The following GRM7 variants were observed in gnomAD, a reference collection of about 807,000 sequenced individuals.
GRM7 encodes glutamate metabotropic receptor 7, also known as metabotropic glutamate receptor 7.
GRM7 carries 35 observed loss-of-function variants against 84.5 expected under a neutral mutation model. That is an observed-to-expected ratio of 0.41 (90% confidence interval 0.32 to 0.55). The LOEUF (loss-of-function observed/expected upper bound fraction) is 0.55. GRM7 is among the 20% of genes least tolerant of loss of function. The pLI is 0.19. For synonymous variants in GRM7, 487 were observed against 455.1 expected, an observed-to-expected ratio of 1.07 and a Z score of -0.89; for missense variants, 1,003 against 1,194.6, an observed-to-expected ratio of 0.84 and a Z score of 2.36.
chr3:7,277,260 T>C (rs1287768718), intron 2 of GRM7, among the ~76,000 whole-genome samples: 1 of 152,054 alleles, frequency 6.6e-6, no homozygotes, highest in African/African-American at 2.4e-5. Flanking sequence ...AAAAAACCTT[T>C]GAAGAAAATG....
rs199844028 is a variant in GRM7, at chr3:7,720,650, A to G, written c.2699-19707A>G. ...GCTTCCTGCAACAACTTGAACATTC[A>G]TGGAAGCTGGGGAGATAGAATTTCA... On this transcript the variant is annotated intron_variant, in intron 9 of 9. Coordinates refer to ENST00000357716, the MANE Select transcript of GRM7 (RefSeq NM_000844.4). 1.7e-4 allele frequency among the ~76,000 whole-genome samples: 26 copies of G among 152,348 alleles called. No homozygotes were observed. The East Asian group carries it at 4.8e-3, about 28-fold the overall frequency.
At chr3:7,528,608 C>T (rs145511133) in intron 7 of GRM7, among the ~76,000 whole-genome samples, 12 of 152,036 alleles carry the variant, frequency 7.9e-5, no homozygotes, top group African/African-American at 2.9e-4. Context: ...AGATGCAAGG[C>T]TAAATTGTCA....
intron 2 of GRM7, among the ~76,000 whole-genome samples, chr3:7,222,401 T>C (rs761436753): frequency 1.3e-4 from 20 of 151,948 alleles, no homozygotes; most frequent in Non-Finnish European, 1.8e-4. Flanking sequence ...GAGGGTTCCA[T>C]GTACCAAGGA....
At chr3:7,021,791 T>C (rs1174650989) in intron 1 of GRM7, among the ~76,000 whole-genome samples, 1 of 152,226 alleles carries the variant, frequency 6.6e-6, no homozygotes, top group African/African-American at 2.4e-5. Context: ...TTATCTGACA[T>C]TTTCTGAATG....
chr3:7,107,927 A>T (rs1379170390), intron 1 of GRM7, among the ~76,000 whole-genome samples: 1 of 152,078 alleles, frequency 6.6e-6, no homozygotes. Flanking sequence ...ACGAGAAAAG[A>T]GACAGGCAGA....
At chr3:7,196,565 G>A (rs1695885867) in intron 2 of GRM7, among the ~76,000 whole-genome samples, 1 of 152,080 alleles carries the variant, frequency 6.6e-6, no homozygotes, top group Admixed American at 6.6e-5. Context: ...TAAAGATGTT[G>A]TTCCCTCTGC....
chr3:7,099,382 AAT>A (rs930191926), intron 1 of GRM7, among the ~76,000 whole-genome samples: 14 of 148,424 alleles, frequency 9.4e-5, no homozygotes. Context: ...ATACATATAT[AAT>A]ATATACATTA....
intron 9 of GRM7, among the ~76,000 whole-genome samples, chr3:7,692,762 C>T (rs1282411992): frequency 6.6e-6 from 1 of 152,080 alleles, no homozygotes; most frequent in African/African-American, 2.4e-5. Context: ...GTCTCATGAC[C>T]AGAGGTCTTT....
chr3:7,569,262 G>A (rs1694517496), intron 7 of GRM7, among the ~76,000 whole-genome samples: 1 of 152,088 alleles, frequency 6.6e-6, no homozygotes, highest in African/African-American at 2.4e-5. Flanking sequence ...TCTAGCTAGG[G>A]GATTGTAAAC....
At chr3:6,997,257 T>C (rs999530616) in intron 1 of GRM7, among the ~76,000 whole-genome samples, 24 of 152,206 alleles carry the variant, frequency 1.6e-4, no homozygotes, top group African/African-American at 5.8e-4. Context: ...TGATAATTTA[T>C]TTTATTATCT....
chr3:7,521,901 G>C (rs1700611137), intron 7 of GRM7, among the ~76,000 whole-genome samples: 1 of 152,154 alleles, frequency 6.6e-6, no homozygotes, highest in Non-Finnish European at 1.5e-5. Context: ...TTGAAGAGAG[G>C]TAGATGAAGT....
At chr3:7,062,045 C>A (rs1697449121) in intron 1 of GRM7, among the ~76,000 whole-genome samples, 1 of 151,638 alleles carries the variant, frequency 6.6e-6, no homozygotes, top group Non-Finnish European at 1.5e-5. Context: ...TGGATACCCA[C>A]TAGACATTTA....
intron 9 of GRM7, among the ~76,000 whole-genome samples, chr3:7,684,401 T>C (rs935966223): frequency 1.3e-5 from 2 of 152,202 alleles, no homozygotes; most frequent in African/African-American, 4.8e-5. Context: ...AAGTAAATAG[T>C]GGAACAGAAA....
intron 2 of GRM7, among the ~76,000 whole-genome samples, chr3:7,171,310 A>G (rs1345790798): frequency 6.6e-6 from 1 of 152,062 alleles, no homozygotes; most frequent in Non-Finnish European, 1.5e-5. Context: ...TTATAAGGAT[A>G]TCATGCATTC....
At chr3:7,659,857 C>G (rs1209288117) in intron 8 of GRM7, among the ~76,000 whole-genome samples, 1 of 152,168 alleles carries the variant, frequency 6.6e-6, no homozygotes, top group African/African-American at 2.4e-5. Flanking sequence ...CAGACTAACC[C>G]CACCATTAAT....
chr3:7,539,855 A>G (rs1448468313), intron 7 of GRM7, among the ~76,000 whole-genome samples: 1 of 152,136 alleles, frequency 6.6e-6, no homozygotes, highest in Admixed American at 6.5e-5. Context: ...GTCTTGTATT[A>G]CTGAATCATT....
chr3:7,438,572 C>G lies in GRM7; in HGVS notation c.1175-14035C>G, dbSNP rs142614127. On this transcript the variant is annotated intron_variant, in intron 5 of 9. Transcript: ENST00000357716. ...GCAAATAACATAGAGAAACACCACT[C>G]CAAACCAGAAGGGGCAAGCAGACAG... Among the ~76,000 whole-genome samples the G allele has an allele frequency of 2.8e-3, 426 of 152,176 alleles. 3 individuals carry two copies. The highest frequency in any genetic ancestry group is 9.1e-3 in the Admixed American group (139 of 15,274).
chr3:7,505,095 A>C (rs936329478), intron 7 of GRM7, among the ~76,000 whole-genome samples: 2 of 152,242 alleles, frequency 1.3e-5, no homozygotes. Context: ...GCAAGAAAAA[A>C]GGCATAACTG....
At chr3:7,312,659 C>T (rs1172372768) in intron 4 of GRM7, among the ~76,000 whole-genome samples, 1 of 152,118 alleles carries the variant, frequency 6.6e-6, no homozygotes, top group Non-Finnish European at 1.5e-5. Flanking sequence ...TGCTGACTTA[C>T]CCAACCTTCC....
Sources: allele counts gnomAD v4.1 joint callset (sites outside exome capture counted in the v4.1 genomes callset), GRCh38; gene constraint gnomAD v4.1.1; transcripts MANE v1.5; gene names NCBI Gene and HGNC (gene_info 2026-07-23, HGNC 2026-07-21).